The following SDK1 variants were observed in gnomAD, a reference collection of about 807,000 sequenced individuals.
The protein encoded by SDK1 is sidekick cell adhesion molecule 1, also known as protein sidekick-1.
In SDK1, 157 loss-of-function variants were observed where a neutral mutation model predicts 245.5. The ratio of observed to expected loss-of-function variants is 0.64; its 90% confidence interval spans 0.56 to 0.73. SDK1 has a LOEUF of 0.73. SDK1 is among the 30% of genes least tolerant of loss of function. The probability of loss-of-function intolerance (pLI) is 0.00; values close to 1 mark genes in which losing one functional copy is unlikely to be tolerated. For missense variants in SDK1, 3,583 were observed against 3,002.3 expected (o/e 1.19, Z -4.52); for synonymous variants, 1,647 against 1,278.5 (o/e 1.29, Z -6.15).
chr7:3,620,151 G>A (rs1053059224), intron 2 of SDK1, among the ~76,000 whole-genome samples: 3 of 152,128 alleles, frequency 2.0e-5, no homozygotes, highest in Admixed American at 6.5e-5. Context: ...ATGGGGAATA[G>A]CCCACCCACT....
chr7:3,709,890 C>T (rs1784995699), intron 4 of SDK1, among the ~76,000 whole-genome samples: 1 of 152,198 alleles, frequency 6.6e-6, no homozygotes, highest in African/African-American at 2.4e-5. Flanking sequence ...GTCCTGGCCC[C>T]AGCTGCAAGA....
At chr7:3,492,824 TAA>T (rs1396546868) in intron 1 of SDK1, among the ~76,000 whole-genome samples, 1 of 152,242 alleles carries the variant, frequency 6.6e-6, no homozygotes, top group Admixed American at 6.5e-5. Context: ...ACAGAGGACA[TAA>T]GTTGGCTGTT....
intron 1 of SDK1, among the ~76,000 whole-genome samples, chr7:3,346,348 G>C (rs772960175): frequency 6.6e-6 from 1 of 151,994 alleles, no homozygotes; most frequent in Non-Finnish European, 1.5e-5. Flanking sequence ...GTGAGCCTCC[G>C]TGCAAGGCTG....
At chr7:3,797,526 A>G (rs1266875265) in intron 4 of SDK1, among the ~76,000 whole-genome samples, 1 of 151,854 alleles carries the variant, frequency 6.6e-6, no homozygotes, top group Non-Finnish European at 1.5e-5. Context: ...AAAAAATTAG[A>G]TCATATTTTA....
chr7:3,368,304 A>G (rs1781141085), intron 1 of SDK1, among the ~76,000 whole-genome samples: 2 of 152,202 alleles, frequency 1.3e-5, no homozygotes, highest in Admixed American at 6.5e-5. Context: ...GGTTCCTGCT[A>G]TTGACATCAA....
chr7:3,874,888 G>A (rs1284732713), intron 5 of SDK1, among the ~76,000 whole-genome samples: 1 of 152,164 alleles, frequency 6.6e-6, no homozygotes, highest in Non-Finnish European at 1.5e-5. Flanking sequence ...TTTGGCAGAG[G>A]TGCCTGTTCT....
chr7:3,800,550 TTTTTGTATTTTTACTAGAGACGGGTTAA>T (rs1779082684), intron 4 of SDK1, among the ~76,000 whole-genome samples: 1 of 151,938 alleles, frequency 6.6e-6, no homozygotes, highest in Admixed American at 6.6e-5. Flanking sequence ...CCCGGCTAAT[TTTTTGTATTTTTACTAGAGACGGGTTAA>T]CCAGGATGGT....
chr7:3,529,600 G>A (rs916269021), intron 1 of SDK1, among the ~76,000 whole-genome samples: 3 of 152,066 alleles, frequency 2.0e-5, no homozygotes, highest in Non-Finnish European at 4.4e-5. Flanking sequence ...GAGGAAGGAA[G>A]GAGTAATGGA....
chr7:3,985,187 G>A (rs1170757273), intron 13 of SDK1, among the ~76,000 whole-genome samples: 1 of 152,256 alleles, frequency 6.6e-6, no homozygotes, highest in Non-Finnish European at 1.5e-5. Context: ...AAGCTCAGCT[G>A]TGGTCTGAGA....
At chr7:3,449,253 A>G (rs949343157) in intron 1 of SDK1, among the ~76,000 whole-genome samples, 2 of 152,156 alleles carry the variant, frequency 1.3e-5, no homozygotes, top group Admixed American at 1.3e-4. Context: ...CCGATTTCAC[A>G]CTTTTATTTT....
At chr7:3,953,622 A>T (rs986858403) in intron 7 of SDK1, among the ~76,000 whole-genome samples, 1 of 152,242 alleles carries the variant, frequency 6.6e-6, no homozygotes, top group South Asian at 2.1e-4. Context: ...ATTTTAAGGT[A>T]ATTTAAACAA....
rs1788577343 is a variant in SDK1 at position 4,268,068 on chromosome 7, C to G, written c.*2684C>G. The G allele has an allele frequency of 4.1e-6, 4 of 985,406 alleles. No individual in the cohort carries two copies. Among genetic ancestry groups the G allele is most frequent in the Non-Finnish European group, 4.8e-6 (4 of 829,928 alleles). The allele number at this position is 985,406 out of a possible 1,614,324, so 61.0% of individuals were successfully genotyped here. A position where few individuals can be genotyped will look rare whatever the true frequency, so the allele number is the denominator to read the frequency against. On this transcript the variant is annotated 3_prime_UTR_variant, in exon 45 of 45. Transcript: ENST00000404826. ...ATCTCGGTTTTAAAAAGAGGACAAA[C>G]AAAATGTCTCTAAGCCAGGCTAGAT...
Position 4,268,809 on chromosome 7 carries a change from C to A in SDK1, c.*3425C>A. The A allele has an allele frequency of 8.1e-7, 1 of 1,234,408 alleles. No homozygotes were observed. Among genetic ancestry groups the A allele is most frequent in the Non-Finnish European group, 1.1e-6 (1 of 900,956 alleles). The allele number at this position is 1,234,408 out of a possible 1,614,324, so 76.5% of individuals were successfully genotyped here. ...GAAACTCATGAGCTGAGCCTGCCCG[C>A]TGGGACACGTCTCCTTCCCGCGTCA... On this transcript the variant is annotated 3_prime_UTR_variant, in exon 45 of 45. Transcript: ENST00000404826.
chr7:4,253,188 G>A lies in SDK1; in HGVS notation c.6381+7383G>A, dbSNP rs151177652. 2.2e-3 allele frequency among the ~76,000 whole-genome samples: 327 copies of A among 151,958 alleles called. 2 individuals carry two copies. Among genetic ancestry groups the A allele is most frequent in the African/African-American group, 7.4e-3 (308 of 41,464 alleles). On this transcript the variant is annotated intron_variant, in intron 44 of 44. Coordinates refer to ENST00000404826, the MANE Select transcript of SDK1 (RefSeq NM_152744.4). ...TGCTTAATTTGGAGTTAATTTGCTCGTCTTCTTTCAATTTCCTAAGTTGGA... is the reference window on the plus strand; with the variant it reads ...TGCTTAATTTGGAGTTAATTTGCTCATCTTCTTTCAATTTCCTAAGTTGGA...
intron 1 of SDK1, among the ~76,000 whole-genome samples, chr7:3,616,215 C>A (rs963473292): frequency 2.0e-5 from 3 of 152,180 alleles, no homozygotes; most frequent in Non-Finnish European, 2.9e-5. Context: ...TAATCATCAT[C>A]ATCATCATCA....
At chr7:4,047,555 G>T (rs927027160) in intron 17 of SDK1, among the ~76,000 whole-genome samples, 1 of 152,156 alleles carries the variant, frequency 6.6e-6, no homozygotes, top group Non-Finnish European at 1.5e-5. Context: ...TGAAATATGC[G>T]TAGTTCTTAC....
chr7:4,259,549 C>T (rs974564745), intron 44 of SDK1, among the ~76,000 whole-genome samples: 7 of 152,116 alleles, frequency 4.6e-5, no homozygotes, highest in Non-Finnish European at 8.8e-5. Flanking sequence ...TTTGGGAGTA[C>T]ATCATATATT....
intron 4 of SDK1, among the ~76,000 whole-genome samples, chr7:3,650,957 C>T (rs1201151717): frequency 6.6e-6 from 1 of 151,536 alleles, no homozygotes; most frequent in African/African-American, 2.4e-5. Flanking sequence ...TAATCATTCA[C>T]CTGTTGAAAG....
At chr7:3,515,887 T>C (rs1339122993) in intron 1 of SDK1, among the ~76,000 whole-genome samples, 4 of 152,310 alleles carry the variant, frequency 2.6e-5, no homozygotes, top group South Asian at 2.1e-4. Flanking sequence ...ATGAAAAATA[T>C]TCTTCACTAT....
Sources: allele counts gnomAD v4.1 joint callset (sites outside exome capture counted in the v4.1 genomes callset), GRCh38; gene constraint gnomAD v4.1.1; transcripts MANE v1.5; gene names NCBI Gene and HGNC (gene_info 2026-07-23, HGNC 2026-07-21).